Variants in STOX1 observed in about 807,000 individuals in gnomAD.
The protein encoded by STOX1 is storkhead box 1.
Under a neutral mutation model 74.8 loss-of-function variants are expected in STOX1, and 57 were observed. The ratio of observed to expected loss-of-function variants is 0.76; its 90% CI spans 0.62 to 0.95. The LOEUF is 0.95. Ranked by LOEUF, STOX1 falls within the 40% of genes least tolerant of loss-of-function variation. STOX1 has a pLI of 0.00. For synonymous variants in STOX1, 375 were observed against 401.3 expected, an observed-to-expected ratio of 0.93 and a Z score of 0.78; for missense variants, 1,010 against 1,117.0, an observed-to-expected ratio of 0.90 and a Z score of 1.37.
chr10:68,893,404 T>C (rs1455763266), downstream of STOX1, among the ~76,000 whole-genome samples: 1 of 152,206 alleles, frequency 6.6e-6, no homozygotes, highest in Non-Finnish European at 1.5e-5. Context: ...CTACTGTTCC[T>C]CTGGTTCCTC....
downstream of STOX1, among the ~76,000 whole-genome samples, chr10:68,894,335 G>A (rs1373986172): frequency 6.6e-6 from 1 of 152,142 alleles, no homozygotes; most frequent in Admixed American, 6.5e-5. Flanking sequence ...TGGGATTACA[G>A]GTGTGAATGA....
Position 68,885,222 on chromosome 10 carries a change from C to T in STOX1, c.1426C>T (p.Leu476Phe). ...AAATGAAATGGTAGGTCAGAAACCA[C>T]TTGGTGAGATTACAACAGTGCTAGG... ...SPNEMVGQKPLGEITTVLGSH... is the reference protein window; with the variant it reads ...SPNEMVGQKPFGEITTVLGSH... Residue 476 changes from leucine (L) to phenylalanine (F), a missense_variant, in exon 3 of 4, where the codon CTT becomes TTT. Leu to Phe is a conservative substitution (Grantham distance 22, BLOSUM62 0). Transcript: ENST00000298596. The T allele has an allele frequency of 1.2e-6, 2 of 1,614,202 alleles. No individual in the cohort carries two copies. Among genetic ancestry groups the T allele is most frequent in the South Asian group, 1.1e-5 (1 of 91,080 alleles).
At chr10:68,849,962 G>T (rs779872089) in intron 1 of STOX1, among the ~76,000 whole-genome samples, 1 of 152,134 alleles carries the variant, frequency 6.6e-6, no homozygotes, top group Non-Finnish European at 1.5e-5. Flanking sequence ...CCAGTACCTG[G>T]AAAGCAATAG....
chr10:68,839,611 C>T (rs939499718), intron 1 of STOX1, among the ~76,000 whole-genome samples: 42 of 152,128 alleles, frequency 2.8e-4, no homozygotes, highest in African/African-American at 9.9e-4. Flanking sequence ...CATTACAGGC[C>T]GGGCATGGTG....
intron 1 of STOX1, among the ~76,000 whole-genome samples, chr10:68,864,087 C>G (rs186441939): frequency 6.6e-6 from 1 of 152,124 alleles, no homozygotes; most frequent in African/African-American, 2.4e-5. Context: ...ACCGCACCAG[C>G]TAATTTTTTT....
At chr10:68,853,720 C>G (rs1840047992) in intron 1 of STOX1, among the ~76,000 whole-genome samples, 1 of 151,614 alleles carries the variant, frequency 6.6e-6, no homozygotes, top group African/African-American at 2.4e-5. Context: ...GAGTTTCACT[C>G]TTGCTGCCAG....
chr10:68,829,098 A>T lies in STOX1; in HGVS notation c.310+1165A>T, dbSNP rs964519206. On this transcript the variant is annotated intron_variant, in intron 1 of 3. Coordinates refer to ENST00000298596, the MANE Select transcript of STOX1 (RefSeq NM_152709.5). ...ACAAGTCACCAGTTGTTCCGCGCTT[A>T]ATTTTCATTCTTACCAAGGAACCCC... The T allele has an allele frequency of 5.1e-6, 3 of 588,388 alleles. No homozygotes were observed. The African/African-American group carries it at 6.1e-5, about 12-fold the overall frequency. 36.4% of individuals were successfully genotyped at this position (588,388 alleles called of 1,614,324 possible). A position where few individuals can be genotyped will look rare whatever the true frequency, so the allele number is the denominator to read the frequency against.
intron 1 of STOX1, among the ~76,000 whole-genome samples, chr10:68,881,300 G>A (rs1840808060): frequency 6.6e-6 from 1 of 152,176 alleles, no homozygotes; most frequent in Admixed American, 6.5e-5. Flanking sequence ...CTTTGGTCCT[G>A]TATTAAGCCT....
chr10:68,892,572 A>C lies in STOX1; in HGVS notation c.2823-17A>C, dbSNP rs781261668. The C allele has an allele frequency of 2.5e-6, 4 of 1,611,856 alleles. No homozygotes were observed. In the South Asian group the frequency reaches 4.4e-5, roughly 18 times the overall value. On this transcript the variant is annotated splice_polypyrimidine_tract_variant and intron_variant, in intron 3 of 3. Transcript: ENST00000298596. ...TCCCTTCGAAGCCAATAATTCTGTT[A>C]TTTTTAATATCTTTAGGACACAGAG...
chr10:68,833,425 G>T (rs1353080684), intron 1 of STOX1, among the ~76,000 whole-genome samples: 1 of 152,076 alleles, frequency 6.6e-6, no homozygotes, highest in Non-Finnish European at 1.5e-5. Flanking sequence ...GGTTTATTTG[G>T]CCGGGAGCAT....
intron 1 of STOX1, among the ~76,000 whole-genome samples, chr10:68,836,538 G>T (rs865857283): frequency 2.0e-5 from 3 of 152,102 alleles, no homozygotes; most frequent in Non-Finnish European, 2.9e-5. Context: ...TTTGTGCTTA[G>T]TGCTGGTCAC....
intron 1 of STOX1, among the ~76,000 whole-genome samples, chr10:68,871,886 A>G (rs1840543981): frequency 6.6e-6 from 1 of 152,378 alleles, no homozygotes; most frequent in Admixed American, 6.5e-5. Flanking sequence ...CAAATGCTTC[A>G]ATTTTTCAAA....
chr10:68,832,802 T>C (rs1403978380), intron 1 of STOX1, among the ~76,000 whole-genome samples: 3 of 152,132 alleles, frequency 2.0e-5, no homozygotes, highest in Non-Finnish European at 4.4e-5. Context: ...CTTGCTCTCT[T>C]ACTCAGGCTG....
In STOX1 at chr10:68,882,111, G is replaced by T; in HGVS notation, c.463+1G>T. On this transcript the variant is annotated splice_donor_variant, in intron 2 of 3. Transcript: ENST00000298596. LOFTEE classifies it high-confidence loss of function. ...GAGCGTTTGATGAAACATTACCCAG[G>T]TAGAGTAATAAATTTTTGTCTATTT... is the stretch of plus-strand genomic sequence containing the variant. 1 of 1,613,486 alleles carries T rather than the reference G, an allele frequency of 6.2e-7. No homozygotes were observed. The highest frequency in any genetic ancestry group is 8.5e-7 in the Non-Finnish European group (1 of 1,179,574).
rs1256834680 is a variant in STOX1, at chr10:68,889,746, T to TA, written c.2823-2842dup. ...GCCCAGCTAATTTTTGTGTTTTTAT[T>TA]AGAGACAGGGTTTCACCATGTTGTC... On this transcript the variant is annotated intron_variant, in intron 3 of 3. Coordinates refer to ENST00000298596, the MANE Select transcript of STOX1 (RefSeq NM_152709.5). Among the ~76,000 whole-genome samples, 13 of 152,046 alleles carry TA rather than the reference T, an allele frequency of 8.6e-5. No homozygotes were observed. The East Asian group carries it at 2.3e-3, about 27-fold the overall frequency.
intron 1 of STOX1, among the ~76,000 whole-genome samples, chr10:68,866,469 C>T (rs993920117): frequency 9.2e-5 from 14 of 152,236 alleles, no homozygotes; most frequent in African/African-American, 3.4e-4. Context: ...ACTGCAAAAT[C>T]CCCCTGTTCT....
chr10:68,881,750 T>C (rs917276006), intron 1 of STOX1, among the ~76,000 whole-genome samples: 10 of 152,220 alleles, frequency 6.6e-5, no homozygotes, highest in African/African-American at 2.4e-4. Context: ...TAATACACAT[T>C]TCTTAAAAGT....
chr10:68,832,337 C>T (rs1839432926), intron 1 of STOX1, among the ~76,000 whole-genome samples: 1 of 152,158 alleles, frequency 6.6e-6, no homozygotes, highest in African/African-American at 2.4e-5. Flanking sequence ...GTGTCTCCAC[C>T]CTGTCACCCC....
chr10:68,833,565 A>T (rs1839465913), intron 1 of STOX1, among the ~76,000 whole-genome samples: 1 of 152,070 alleles, frequency 6.6e-6, no homozygotes, highest in Admixed American at 6.6e-5. Flanking sequence ...GGTACGTGAC[A>T]GGGGCTGCAT....
Sources: gnomAD v4.1 joint callset for allele counts (sites outside exome capture counted in the v4.1 genomes callset) on GRCh38, gnomAD v4.1.1 for gene constraint, MANE v1.5 for transcripts, NCBI Gene and HGNC (gene_info 2026-07-23, HGNC 2026-07-21) for gene names.